PHF3: variants seen among roughly 807,000 people sequenced by gnomAD.
The protein encoded by PHF3 is PHD finger protein 3.
In PHF3, 41 loss-of-function variants were observed where a neutral mutation model predicts 178.4. The observed-to-expected ratio is 0.23, with a 90% CI of 0.18 to 0.30. The LOEUF (loss-of-function observed/expected upper bound fraction) is 0.30. PHF3 is among the 10% of genes least tolerant of loss of function. The pLI, the probability that PHF3 is intolerant of heterozygous loss-of-function variation, is 1.00. For synonymous variants in PHF3, 842 were observed against 800.5 expected (o/e 1.05, Z -0.88); for missense variants, 2,346 against 2,398.1 (o/e 0.98, Z 0.45).
chr6:63,653,126 C>A (rs1582010494), intron 2 of PHF3, among the ~76,000 whole-genome samples: 1 of 47,330 alleles, frequency 2.1e-5, no homozygotes, highest in East Asian at 4.6e-4. Context: ...GTAGGCATTG[C>A]ATTTTTTGCT....
chr6:63,721,135 TAA>T lies in PHF3; in HGVS notation c.*7428_*7429del. On this transcript the variant is annotated 3_prime_UTR_variant, in exon 16 of 16. Coordinates refer to ENST00000262043, the MANE Select transcript of PHF3 (RefSeq NM_001370348.2). Reference sequence around the variant, plus strand: ...ATTCTATAATTTGGATCAATGTATTTAATGTAAGAATTACCCATAAATTTTGC... The same window carrying T: ...ATTCTATAATTTGGATCAATGTATTTTGTAAGAATTACCCATAAATTTTGC... 1 of 1,551,456 alleles carries T rather than the reference TAA, an allele frequency of 6.4e-7. No individual in the cohort carries two copies. Among genetic ancestry groups the T allele is most frequent in the Non-Finnish European group, 8.7e-7 (1 of 1,146,736 alleles).
intron 14 of PHF3, among the ~76,000 whole-genome samples, chr6:63,710,517 T>C (rs892870382): frequency 5.3e-5 from 8 of 152,158 alleles, no homozygotes; most frequent in Non-Finnish European, 7.4e-5. Flanking sequence ...AAAAACATTG[T>C]TGTTGAACAC....
Position 63,701,938 on chromosome 6 carries a change from T to C in PHF3, c.3100-570T>C, listed in dbSNP as rs372655464. On this transcript the variant is annotated intron_variant, in intron 9 of 15. Coordinates refer to ENST00000262043, the MANE Select transcript of PHF3 (RefSeq NM_001370348.2). ...CAGTACCATCTATGCCTTCCTTACC[T>C]GTTCTATTCCTGGCTACCTTTATAC... 4.6e-5 allele frequency among the ~76,000 whole-genome samples: 7 copies of C among 152,318 alleles called. No homozygotes were observed. In the East Asian group the frequency reaches 7.7e-4, roughly 17 times the overall value.
At chr6:63,701,275 G>A (rs767572108) in intron 9 of PHF3, among the ~76,000 whole-genome samples, 40 of 152,118 alleles carry the variant, frequency 2.6e-4, no homozygotes, top group Non-Finnish European at 5.4e-4. Flanking sequence ...CAGAAATATT[G>A]TATATTTAAT....
intron 2 of PHF3, among the ~76,000 whole-genome samples, chr6:63,665,476 G>GTTTTTTTT (rs1469138723): frequency 9.2e-6 from 1 of 108,462 alleles, no homozygotes; most frequent in African/African-American, 4.2e-5. Context: ...TCGCTTTGTG[G>GTTTTTTTT]TTTTTTTTTG....
At chr6:63,672,715 TG>T (rs1418822938) in intron 2 of PHF3, among the ~76,000 whole-genome samples, 1 of 152,192 alleles carries the variant, frequency 6.6e-6, no homozygotes, top group Admixed American at 6.5e-5. Context: ...TCCTTGTGGA[TG>T]AGCCGTAACC....
Position 63,723,753 on chromosome 6 carries a change from T to G in PHF3, c.*10045T>G, listed in dbSNP as rs927190734. The stretch of plus-strand genomic sequence containing the variant: ...TTTTAAATTTCATTGCGTTAGGATA[T>G]GATGCTCTAGTTATGGGTCATAAGT... On this transcript the variant is annotated 3_prime_UTR_variant, in exon 16 of 16. Coordinates refer to ENST00000262043, the MANE Select transcript of PHF3 (RefSeq NM_001370348.2). 6.6e-6 allele frequency among the ~76,000 whole-genome samples: 1 copy of G among 151,106 alleles called. No homozygotes were observed. Among genetic ancestry groups the G allele is most frequent in the Non-Finnish European group, 1.5e-5 (1 of 67,824 alleles).
At chr6:63,678,581 ATCT>A (rs1766287145) in intron 2 of PHF3, among the ~76,000 whole-genome samples, 1 of 150,764 alleles carries the variant, frequency 6.6e-6, no homozygotes, top group Non-Finnish European at 1.5e-5. Context: ...TTTTCTGCCA[ATCT>A]TTTTTTTTTT....
Position 63,721,716 on chromosome 6 carries a change from G to A in PHF3, c.*8008G>A. On this transcript the variant is annotated 3_prime_UTR_variant, in exon 16 of 16. Coordinates refer to ENST00000262043, the MANE Select transcript of PHF3 (RefSeq NM_001370348.2). ...TCCGTTTATAGTTACTTTTTGGAGA[G>A]TTTCTAGAATGATAGTTCTGTCGCC... The A allele has an allele frequency of 6.4e-7, 1 of 1,551,170 alleles. No individual in the cohort carries two copies. Among genetic ancestry groups the A allele is most frequent in the African/African-American group, 1.4e-5 (1 of 73,124 alleles).
chr6:63,674,345 A>G (rs1766073557), intron 2 of PHF3, among the ~76,000 whole-genome samples: 2 of 35,722 alleles, frequency 5.6e-5, no homozygotes, highest in African/African-American at 3.7e-4. Flanking sequence ...ACCATCTTCA[A>G]CTCAGTGAAC....
At chr6:63,705,674 A>G (rs1472391276) in intron 11 of PHF3, among the ~76,000 whole-genome samples, 3 of 152,192 alleles carry the variant, frequency 2.0e-5, no homozygotes, top group African/African-American at 7.2e-5. Flanking sequence ...TCTTGTCCAT[A>G]TTTACTCATG....
At position 63,713,073 on chromosome 6, in the gene PHF3, T is replaced by C; in HGVS notation, c.5485T>C (p.Phe1829Leu). ...TCCTAATTTTCCCCCACAAAGCATG[T>C]TTGGATTTCCACCACATTTGCCACC... ...GPPNFPPQSM[F>L]GFPPHLPPPL... The change falls in exon 16 of 16, where the codon TTT (phenylalanine) becomes CTT (leucine). Residue 1829 changes from phenylalanine to leucine, a missense_variant. Phe to Leu is a conservative substitution (Grantham distance 22). Around this residue, in one of 8 missense-constraint regions of PHF3, gnomAD observed 839 missense variants for 806.9 expected, o/e 1.04. Coordinates refer to ENST00000262043, the MANE Select transcript of PHF3 (RefSeq NM_001370348.2). The C allele has an allele frequency of 5.6e-6, 9 of 1,614,024 alleles. No individual in the cohort carries two copies. Among genetic ancestry groups the C allele is most frequent in the Non-Finnish European group, 7.6e-6 (9 of 1,179,968 alleles).
At chr6:63,672,133 G>A (rs1446010755) in intron 2 of PHF3, among the ~76,000 whole-genome samples, 1 of 152,206 alleles carries the variant, frequency 6.6e-6, no homozygotes, top group Non-Finnish European at 1.5e-5. Context: ...GAGCCACCGT[G>A]CCTGGCCAAT....
chr6:63,684,714 A>G lies in PHF3; in HGVS notation c.992A>G (p.Glu331Gly). 1 of 1,613,812 alleles carries G rather than the reference A, an allele frequency of 6.2e-7. No homozygotes were observed. The highest frequency in any genetic ancestry group is 8.5e-7 in the Non-Finnish European group (1 of 1,179,756). Residue 331 changes from glutamate to glycine, a missense_variant, in exon 4 of 16, where the codon GAA (glutamate) becomes GGA (glycine). By Grantham distance (98) the Glu-to-Gly change is moderately conservative. Coordinates refer to ENST00000262043, the MANE Select transcript of PHF3 (RefSeq NM_001370348.2). ...DSKETVKLSHEDDHILEDAGS... is the reference protein window; with the variant it reads ...DSKETVKLSHGDDHILEDAGS... ...AAGGAGACAGTAAAATTATCCCATG[A>G]AGATGACCATATTCTTGAGGACGCT...
intron 2 of PHF3, among the ~76,000 whole-genome samples, chr6:63,655,877 A>G (rs1166566581): frequency 6.6e-6 from 1 of 152,168 alleles, no homozygotes; most frequent in Non-Finnish European, 1.5e-5. Flanking sequence ...TCCTGGGCTC[A>G]AGCCATTCTG....
At chr6:63,668,129 TC>T (rs879310180) in intron 2 of PHF3, among the ~76,000 whole-genome samples, 1 of 152,232 alleles carries the variant, frequency 6.6e-6, no homozygotes, top group Admixed American at 6.5e-5. Context: ...ATCTAACTTT[TC>T]TTTTACATTT....
Position 63,720,845 on chromosome 6 carries a change from GTTAT to G in PHF3, c.*7142_*7145del, listed in dbSNP as rs1768352761. The G allele has an allele frequency of 1.3e-6, 2 of 1,551,084 alleles. No individual in the cohort carries two copies. The highest frequency in any genetic ancestry group is 1.7e-6 in the Non-Finnish European group (2 of 1,146,588). On this transcript the variant is annotated 3_prime_UTR_variant, in exon 16 of 16. Coordinates refer to ENST00000262043, the MANE Select transcript of PHF3 (RefSeq NM_001370348.2). ...CAATATCCTCGGAAAGAATTAGACT[GTTAT>G]TTATGTAGGCCTTGATAAGAGTCTG... is the stretch of plus-strand genomic sequence containing the variant.
In PHF3 at chr6:63,720,970, C is replaced by G. The variant is rs569561277; in HGVS notation, c.*7262C>G. 32 of 1,551,222 alleles carry G rather than the reference C, an allele frequency of 2.1e-5. No homozygotes were observed. The highest frequency in any genetic ancestry group is 2.7e-5 in the Non-Finnish European group (31 of 1,146,796). ...GAGATTCTTTCTCCCAAGTTAACTG[C>G]TATTTTCAAGGTCTGATTATGGAGA... On this transcript the variant is annotated 3_prime_UTR_variant, in exon 16 of 16. Coordinates refer to ENST00000262043, the MANE Select transcript of PHF3 (RefSeq NM_001370348.2).
chr6:63,640,218 T>C (rs1368193336), intron 1 of PHF3, among the ~76,000 whole-genome samples: 3 of 152,356 alleles, frequency 2.0e-5, no homozygotes, highest in Admixed American at 6.5e-5. Context: ...AATGATACTT[T>C]GTAGTATTGT....
Sources: gnomAD v4.1 joint callset for allele counts (sites outside exome capture counted in the v4.1 genomes callset) on GRCh38, gnomAD v4.1.1 for gene constraint, gnomAD v4.1.1 regional missense constraint, MANE v1.5 for transcripts, NCBI Gene and HGNC (gene_info 2026-07-23, HGNC 2026-07-21) for gene names.